ZEB1: variants seen among roughly 807,000 people sequenced by gnomAD.
ZEB1 encodes the protein zinc finger E-box-binding homeobox 1.
Under a neutral mutation model 84.9 loss-of-function variants are expected in ZEB1, and 21 were observed. The ratio of observed to expected loss-of-function variants is 0.25; its 90% CI spans 0.18 to 0.36. The LOEUF (loss-of-function observed/expected upper bound fraction) is 0.36. ZEB1 is among the 10% of genes least tolerant of loss of function. The probability of loss-of-function intolerance (pLI) is 1.00; values close to 1 mark genes in which losing one functional copy is unlikely to be tolerated. For missense variants in ZEB1, 1,104 were observed against 1,330.2 expected (o/e 0.83, Z 2.65); for synonymous variants, 420 against 471.1 (o/e 0.89, Z 1.41).
At chr10:31,472,566 A>G (rs2063428324) in intron 2 of ZEB1, among the ~76,000 whole-genome samples, 3 of 140,404 alleles carry the variant, frequency 2.1e-5, no homozygotes, top group East Asian at 4.2e-4. Context: ...GCAATAATCA[A>G]TAGTTTACCA....
chr10:31,389,315 C>T (rs2049199288), intron 1 of ZEB1, among the ~76,000 whole-genome samples: 1 of 152,066 alleles, frequency 6.6e-6, no homozygotes. Flanking sequence ...AAACTAATAT[C>T]TGGGAGAAGA....
At position 31,348,979 on chromosome 10, in the gene ZEB1, T is replaced by TA. The variant is rs1364778838; in HGVS notation, c.58+29688dup. Among the ~76,000 whole-genome samples, 8 of 152,274 alleles carry TA rather than the reference T, an allele frequency of 5.3e-5. No individual in the cohort carries two copies. In the East Asian group the frequency reaches 1.5e-3, roughly 29 times the overall value. On this transcript the variant is annotated intron_variant, in intron 1 of 8. Transcript: ENST00000424869. ...CTCTTCACAATTTTCAGGTGTACAG[T>TA]ATATTAACTGTAGGCCTATGATTTA...
intron 1 of ZEB1, among the ~76,000 whole-genome samples, chr10:31,429,683 T>TAA (rs551407003): frequency 0.044 from 3,929 of 88,310 alleles, 81 homozygotes; most frequent in South Asian, 0.084. Context: ...ATTTAAAAGT[T>TAA]AAAAAAAAAA....
chr10:31,351,715 C>A (rs1289869856), intron 1 of ZEB1, among the ~76,000 whole-genome samples: 1 of 152,136 alleles, frequency 6.6e-6, no homozygotes, highest in African/African-American at 2.4e-5. Flanking sequence ...AATAAATTAT[C>A]TGATATCCTT....
chr10:31,378,003 C>T (rs1215425841), intron 1 of ZEB1, among the ~76,000 whole-genome samples: 1 of 150,892 alleles, frequency 6.6e-6, no homozygotes, highest in African/African-American at 2.4e-5. Flanking sequence ...AAAACAAGCA[C>T]AATACATATA....
At chr10:31,371,022 T>C (rs1410539609) in intron 1 of ZEB1, among the ~76,000 whole-genome samples, 2 of 152,138 alleles carry the variant, frequency 1.3e-5, no homozygotes, top group Non-Finnish European at 2.9e-5. Flanking sequence ...CCTGGCCAAA[T>C]TGTAAGACTC....
At chr10:31,493,028 C>T (rs1400972474) in intron 2 of ZEB1, among the ~76,000 whole-genome samples, 1 of 151,994 alleles carries the variant, frequency 6.6e-6, no homozygotes. Flanking sequence ...TATAATGTCA[C>T]AACAAGCATA....
chr10:31,408,963 A>G (rs1322840682), intron 1 of ZEB1, among the ~76,000 whole-genome samples: 1 of 150,932 alleles, frequency 6.6e-6, no homozygotes, highest in Non-Finnish European at 1.5e-5. Context: ...CAGGCAACCT[A>G]CAAAATGGGA....
chr10:31,440,674 A>G (rs1216489713), intron 1 of ZEB1, among the ~76,000 whole-genome samples: 1 of 152,202 alleles, frequency 6.6e-6, no homozygotes, highest in Non-Finnish European at 1.5e-5. Context: ...TCTCAGCCCA[A>G]AATCTCCTTA....
chr10:31,443,814 G>T (rs1390959682), intron 1 of ZEB1, among the ~76,000 whole-genome samples: 3 of 150,748 alleles, frequency 2.0e-5, no homozygotes. Context: ...GTCTATCATT[G>T]TTGGACATTT....
At chr10:31,471,992 A>T (rs2063330436) in intron 2 of ZEB1, among the ~76,000 whole-genome samples, 2 of 142,492 alleles carry the variant, frequency 1.4e-5, no homozygotes, top group South Asian at 4.3e-4. Flanking sequence ...AGGCAGAAAT[A>T]AAGATGTTCT....
intron 1 of ZEB1, chr10:31,381,703 G>C (rs1368055595): frequency 6.6e-6 from 1 of 152,060 alleles, no homozygotes; most frequent in Admixed American, 6.6e-5. Flanking sequence ...TTCTCTGTCT[G>C]TTGGAGATTT....
At chr10:31,337,601 A>G (rs1234741127) in intron 1 of ZEB1, among the ~76,000 whole-genome samples, 3 of 151,630 alleles carry the variant, frequency 2.0e-5, no homozygotes, top group African/African-American at 7.3e-5. Context: ...TCTCAAATGT[A>G]ATCAATTTCT....
chr10:31,422,063 T>C (rs1193530841), intron 1 of ZEB1, among the ~76,000 whole-genome samples: 2 of 152,102 alleles, frequency 1.3e-5, no homozygotes, highest in Non-Finnish European at 2.9e-5. Flanking sequence ...TGGACGGGGT[T>C]TTGTTACTCT....
chr10:31,459,302 T>C (rs2061565334), intron 1 of ZEB1, among the ~76,000 whole-genome samples: 1 of 152,152 alleles, frequency 6.6e-6, no homozygotes, highest in Non-Finnish European at 1.5e-5. Flanking sequence ...TTTTGAATTA[T>C]ATATACACAC....
At chr10:31,346,853 T>A (rs2133758249) in intron 1 of ZEB1, among the ~76,000 whole-genome samples, 1 of 152,286 alleles carries the variant, frequency 6.6e-6, no homozygotes. Flanking sequence ...CAGACTGTAC[T>A]TTTGCTAATT....
At chr10:31,374,284 A>G (rs1373165789) in intron 1 of ZEB1, among the ~76,000 whole-genome samples, 1 of 151,888 alleles carries the variant, frequency 6.6e-6, no homozygotes, top group African/African-American at 2.4e-5. Context: ...GCTGTTTTCT[A>G]GAGCTTAATA....
At chr10:31,319,188 G>A (rs745316410), upstream of ZEB1, 57 of 1,464,022 alleles carry the variant, frequency 3.9e-5, no homozygotes, top group Non-Finnish European at 5.2e-5. Context: ...GAAGGGGGAG[G>A]GAGGGGGAGG....
At chr10:31,524,198 C>CTT in intron 8 of ZEB1, 85 bp downstream of exon 8, 2 of 1,154,794 alleles carry the variant, frequency 1.7e-6, no homozygotes, top group South Asian at 1.6e-5. Flanking sequence ...TTAGAATTTT[C>CTT]TTTCTTTTTT....
Sources: gnomAD v4.1 joint callset for allele counts (sites outside exome capture counted in the v4.1 genomes callset) on GRCh38, gnomAD v4.1.1 for gene constraint, MANE v1.5 for transcripts, NCBI Gene and HGNC (gene_info 2026-07-23, HGNC 2026-07-21) for gene names.